Variants in SDK2 observed in about 807,000 individuals in gnomAD.
SDK2 encodes the protein sidekick cell adhesion molecule 2, also known as protein sidekick-2.
A neutral mutation model predicts 253.9 loss-of-function variants in SDK2; 105 were observed. The observed-to-expected ratio is 0.41, with a 90% CI of 0.35 to 0.49. The LOEUF (loss-of-function observed/expected upper bound fraction) is 0.49, where lower values mean the gene tolerates loss of function less well. SDK2 is among the 20% of genes least tolerant of loss of function. The pLI is 0.06. For missense variants in SDK2, 2,608 were observed against 3,003.0 expected (o/e 0.87, Z 3.07); for synonymous variants, 1,249 against 1,234.9 (o/e 1.01, Z -0.24).
intron 1 of SDK2, among the ~76,000 whole-genome samples, chr17:73,617,429 T>C (rs952067582): frequency 1.3e-5 from 2 of 151,996 alleles, no homozygotes; most frequent in African/African-American, 2.4e-5. Flanking sequence ...GGCAAGGAAA[T>C]GAACCCAGAG....
intron 21 of SDK2, 27 bp from the exon 22 acceptor site, chr17:73,399,316 G>A: frequency 3.1e-6 from 5 of 1,613,252 alleles, no homozygotes; most frequent in Non-Finnish European, 4.2e-6. Context: ...GGGTGGGGAA[G>A]GAGATCCGGT....
chr17:73,483,107 G>A (rs2063737076), intron 2 of SDK2, among the ~76,000 whole-genome samples: 1 of 151,902 alleles, frequency 6.6e-6, no homozygotes, highest in Admixed American at 6.6e-5. Flanking sequence ...GACCCGTCCT[G>A]GGGCCCTCAA....
chr17:73,477,311 T>A (rs1357655226), intron 2 of SDK2, among the ~76,000 whole-genome samples: 4 of 151,908 alleles, frequency 2.6e-5, no homozygotes, highest in East Asian at 3.9e-4. Flanking sequence ...CCCATCCAGG[T>A]CACCCCGGGG....
At position 73,435,349 on chromosome 17, in the gene SDK2, T is replaced by C; in HGVS notation, c.1195+101A>G. ...GCCTTTGGGGATCCTATCTGCTTAA[T>C]GGAACGTGCTATGCACAAGAGGCCC... is the stretch of plus-strand genomic sequence containing the variant. On this transcript the variant is annotated intron_variant, in intron 9 of 44. Coordinates refer to ENST00000392650, the MANE Select transcript of SDK2 (RefSeq NM_001144952.2). This position sits in a 1 kb window ranked among gnomAD's most constrained non-coding sequence, Gnocchi z 5.7. The C allele has an allele frequency of 8.3e-7, 1 of 1,199,966 alleles. No individual in the cohort carries two copies. Among genetic ancestry groups the C allele is most frequent in the Non-Finnish European group, 1.1e-6 (1 of 871,626 alleles). 74.3% of individuals were successfully genotyped at this position (1,199,966 alleles called of 1,614,324 possible). A position where few individuals can be genotyped will look rare whatever the true frequency, so the allele number is the denominator to read the frequency against.
In SDK2 at chr17:73,431,319, T is replaced by C. The variant is rs890072593; in HGVS notation, c.1480+183A>G. Among the ~76,000 whole-genome samples, 1 of 152,176 alleles carries C rather than the reference T, an allele frequency of 6.6e-6. No individual in the cohort carries two copies. Among genetic ancestry groups the C allele is most frequent in the Non-Finnish European group, 1.5e-5 (1 of 68,012 alleles). ...TCACCGGCAGAATCTTCCTAGTCCC[T>C]GGCCTCTGAACCACTTTGTCACTGT... is the stretch of plus-strand genomic sequence containing the variant. On this transcript the variant is annotated intron_variant, in intron 11 of 44. Transcript: ENST00000392650. The surrounding 1 kb of genome is among the most constrained non-coding windows in gnomAD (Gnocchi z 5.6).
At chr17:73,517,484 A>G (rs1415108605) in intron 1 of SDK2, 1 of 152,180 alleles carries the variant, frequency 6.6e-6, no homozygotes, top group Non-Finnish European at 1.5e-5. Flanking sequence ...GAAGCGACGC[A>G]TCTACCAGCC....
chr17:73,380,783 C>T, intron 34 of SDK2, 111 bp downstream of exon 34: 1 of 936,774 alleles, frequency 1.1e-6, no homozygotes, highest in Middle Eastern at 2.1e-4. Flanking sequence ...CTTAAGCCCC[C>T]TGGGGTGGGC....
intron 1 of SDK2, among the ~76,000 whole-genome samples, chr17:73,630,528 G>A (rs1208394869): frequency 1.3e-5 from 2 of 149,430 alleles, no homozygotes; most frequent in Non-Finnish European, 3.0e-5. Flanking sequence ...CCTAAGTGTC[G>A]TCCCTCTCTC....
intron 1 of SDK2, among the ~76,000 whole-genome samples, chr17:73,508,723 C>A (rs1003750241): frequency 5.3e-5 from 8 of 152,198 alleles, no homozygotes; most frequent in Non-Finnish European, 1.0e-4. Context: ...CAAGGTCACA[C>A]AACTGGGCGG....
At position 73,629,962 on chromosome 17, in the gene SDK2, A is replaced by T. The variant is rs1228923499; in HGVS notation, c.64+14063T>A. ...GGAGGGGCAAGAGCCTCCTGAAGGA[A>T]GAAGTGAAGAATGAGTGCTGGTCAA... On this transcript the variant is annotated intron_variant, in intron 1 of 44. Coordinates refer to ENST00000392650, the MANE Select transcript of SDK2 (RefSeq NM_001144952.2). This position sits in a 1 kb window ranked among gnomAD's most constrained non-coding sequence, Gnocchi z 5.0. Among the ~76,000 whole-genome samples, 3 of 152,092 alleles carry T rather than the reference A, an allele frequency of 2.0e-5. No individual in the cohort carries two copies. The highest frequency in any genetic ancestry group is 4.4e-5 in the Non-Finnish European group (3 of 68,010).
rs752325058 is a variant in SDK2 at position 73,566,319 on chromosome 17, A to ATATG, written c.65-58723_65-58722insCATA. ...AGCCAAATAAAATTCTTATATATAT[A>ATATG]TGTGTGTGTGTGTGTGTGTGTGTGT... On this transcript the variant is annotated intron_variant, in intron 1 of 44. Coordinates refer to ENST00000392650, the MANE Select transcript of SDK2 (RefSeq NM_001144952.2). 2.2e-3 allele frequency among the ~76,000 whole-genome samples: 313 copies of ATATG among 139,404 alleles called. 1 individual carries two copies. The highest frequency in any genetic ancestry group is 7.5e-3 in the African/African-American group (273 of 36,174). The allele number at this position is 139,404 out of a possible 152,430, so 91.5% of individuals were successfully genotyped here.
intron 1 of SDK2, among the ~76,000 whole-genome samples, chr17:73,526,880 T>A (rs374350134): frequency 2.6e-3 from 390 of 152,354 alleles, no homozygotes; most frequent in South Asian, 4.4e-3. Flanking sequence ...CCTCAATTCC[T>A]CAACACAGAG....
intron 1 of SDK2, among the ~76,000 whole-genome samples, chr17:73,554,298 T>C (rs2045110064): frequency 6.6e-6 from 1 of 152,226 alleles, no homozygotes; most frequent in Admixed American, 6.5e-5. Context: ...GAGCCAAACT[T>C]CCTGCCCCCA....
chr17:73,612,643 G>C lies in SDK2; in HGVS notation c.64+31382C>G, dbSNP rs2045991408. Among the ~76,000 whole-genome samples the C allele has an allele frequency of 6.6e-6, 1 of 152,164 alleles. No homozygotes were observed. Among genetic ancestry groups the C allele is most frequent in the Non-Finnish European group, 1.5e-5 (1 of 68,026 alleles). ...AATAATAATAGTAACAGTAGGCCAG[G>C]CGAGGTGGCTCACACCTGTAATCCC... On this transcript the variant is annotated intron_variant, in intron 1 of 44. Transcript: ENST00000392650. This position sits in a 1 kb window ranked among gnomAD's most constrained non-coding sequence, Gnocchi z 4.4.
intron 1 of SDK2, chr17:73,521,148 C>T (rs1531860): frequency 0.27 from 40,072 of 150,666 alleles, 6,516 homozygotes; most frequent in South Asian, 0.38. Context: ...TCAAGTGATC[C>T]TCCACTTTAG....
In SDK2 at chr17:73,408,060, TTTTTC is replaced by T. The variant is rs1160263018; in HGVS notation, c.2485-5924_2485-5920del. 1.2e-4 allele frequency among the ~76,000 whole-genome samples: 16 copies of T among 130,132 alleles called. No individual in the cohort carries two copies. In the South Asian group the frequency reaches 1.2e-3, roughly 10 times the overall value. 85.4% of individuals were successfully genotyped at this position (130,132 alleles called of 152,430 possible). A position where few individuals can be genotyped will look rare whatever the true frequency, so the allele number is the denominator to read the frequency against. ...GTAAAATATTTCCTTTTTTTTTTTT[TTTTTC>T]TTTTGAGACAGAGTCTGGCTCTGTC... On this transcript the variant is annotated intron_variant, in intron 18 of 44. Transcript: ENST00000392650.
intron 18 of SDK2, among the ~76,000 whole-genome samples, chr17:73,413,461 C>T (rs1412945274): frequency 2.6e-5 from 4 of 152,002 alleles, no homozygotes; most frequent in Non-Finnish European, 5.9e-5. Context: ...CGAAACCATC[C>T]CTCCTCCCAC....
rs1433331089 is a variant in SDK2, at chr17:73,443,694, C to A, written c.614-2771G>T. Among the ~76,000 whole-genome samples, 2 of 152,170 alleles carry A rather than the reference C, an allele frequency of 1.3e-5. No homozygotes were observed. Among genetic ancestry groups the A allele is most frequent in the Non-Finnish European group, 2.9e-5 (2 of 68,028 alleles). ...GGGCTGAGGTGGCCAGGGATGCTGG[C>A]ACAGTGAGAAAGGGTCCCAGGGGTG... On this transcript the variant is annotated intron_variant, in intron 5 of 44. Transcript: ENST00000392650. The surrounding 1 kb of genome is among the most constrained non-coding windows in gnomAD (Gnocchi z 4.6).
chr17:73,512,195 T>G (rs2063985998), intron 1 of SDK2, among the ~76,000 whole-genome samples: 5 of 152,200 alleles, frequency 3.3e-5, no homozygotes, highest in African/African-American at 9.7e-5. Flanking sequence ...TAGCTATAAA[T>G]TGGAGATGTG....
Sources: gnomAD v4.1 joint callset for allele counts (sites outside exome capture counted in the v4.1 genomes callset) on GRCh38, gnomAD v4.1.1 for gene constraint, Gnocchi (gnomAD v3.1) non-coding constraint, MANE v1.5 for transcripts, NCBI Gene and HGNC (gene_info 2026-07-23, HGNC 2026-07-21) for gene names.